Variants in SFMBT2 observed in about 807,000 individuals in gnomAD.
The protein encoded by SFMBT2 is Scm like with four mbt domains 2, also known as scm-like with four MBT domains protein 2.
A neutral mutation model predicts 110.1 loss-of-function variants in SFMBT2; 38 were observed. The observed-to-expected ratio is 0.35, with a 90% CI of 0.27 to 0.45. SFMBT2 has a LOEUF of 0.45. SFMBT2 is among the 20% of genes least tolerant of loss of function. SFMBT2 has a pLI of 1.00. For synonymous variants in SFMBT2, 425 were observed against 425.4 expected (o/e 1.00, Z 0.01); for missense variants, 1,011 against 1,094.9 (o/e 0.92, Z 1.08).
chr10:7,375,495 C>A (rs1845175168), intron 2 of SFMBT2, among the ~76,000 whole-genome samples: 1 of 148,076 alleles, frequency 6.8e-6, no homozygotes, highest in Admixed American at 6.6e-5. Flanking sequence ...AGAAAGAAGA[C>A]ATTAAGTCTT....
chr10:7,192,058 A>G (rs2131583600), intron 15 of SFMBT2, among the ~76,000 whole-genome samples: 1 of 152,254 alleles, frequency 6.6e-6, no homozygotes, highest in South Asian at 2.1e-4. Context: ...AAAAAAAAAA[A>G]TGTGCACTTT....
chr10:7,401,859 G>A (rs538888176), intron 1 of SFMBT2, among the ~76,000 whole-genome samples: 1 of 152,090 alleles, frequency 6.6e-6, no homozygotes, highest in South Asian at 2.1e-4. Context: ...GCCATTCCAC[G>A]GGACATTTCT....
At chr10:7,322,326 G>A (rs779005251) in intron 4 of SFMBT2, among the ~76,000 whole-genome samples, 41 of 152,264 alleles carry the variant, frequency 2.7e-4, no homozygotes, top group Non-Finnish European at 5.1e-4. Flanking sequence ...GAAACTCTGA[G>A]TTCATTAAAC....
At chr10:7,379,220 TC>T (rs1337925881) in intron 2 of SFMBT2, among the ~76,000 whole-genome samples, 1 of 152,046 alleles carries the variant, frequency 6.6e-6, no homozygotes, top group African/African-American at 2.4e-5. Context: ...GATGAGTAAG[TC>T]CCATCTGAAA....
chr10:7,276,007 G>A (rs970920527), intron 7 of SFMBT2, among the ~76,000 whole-genome samples: 13 of 152,226 alleles, frequency 8.5e-5, no homozygotes, highest in Admixed American at 6.5e-5. Flanking sequence ...GTGTTGGGTC[G>A]CCGCCCACAC....
chr10:7,236,270 A>G (rs1376271721), intron 9 of SFMBT2, among the ~76,000 whole-genome samples: 1 of 152,220 alleles, frequency 6.6e-6, no homozygotes, highest in East Asian at 1.9e-4. Flanking sequence ...CCGAAATCCA[A>G]TGGGACTCTT....
chr10:7,220,278 G>T, intron 11 of SFMBT2, 133 bp downstream of exon 11: 1 of 664,866 alleles, frequency 1.5e-6, no homozygotes, highest in Non-Finnish European at 2.6e-6. Flanking sequence ...TTAAGAACAC[G>T]GAATAATTTA....
intron 1 of SFMBT2, among the ~76,000 whole-genome samples, chr10:7,392,020 T>A (rs1845781489): frequency 6.6e-6 from 1 of 152,208 alleles, no homozygotes. Context: ...TAGTCACGAC[T>A]CTCAGTCAGA....
intron 4 of SFMBT2, among the ~76,000 whole-genome samples, chr10:7,345,422 G>A (rs148899426): frequency 0.035 from 5,307 of 152,258 alleles, 134 homozygotes; most frequent in Non-Finnish European, 0.054. Flanking sequence ...GCAGTGGCAG[G>A]ATCTCCACTC....
In SFMBT2 at chr10:7,206,777, T is replaced by A. The variant is rs546254220; in HGVS notation, c.1331-849A>T. On this transcript the variant is annotated intron_variant, in intron 11 of 20. Coordinates refer to ENST00000397167, the MANE Select transcript of SFMBT2 (RefSeq NM_001387889.1). ...ATGGAGAGAATAAATTTGGAACTAG[T>A]TAAAAGAAGAAAATTCGACACCAAA... is the stretch of plus-strand genomic sequence containing the variant. 5.2e-5 allele frequency: 44 copies of A among 845,326 alleles called. No homozygotes were observed. The African/African-American group carries it at 7.5e-4, about 14-fold the overall frequency. 52.4% of individuals were successfully genotyped at this position (845,326 alleles called of 1,614,324 possible). A position where few individuals can be genotyped will look rare whatever the true frequency, so the allele number is the denominator to read the frequency against.
intron 7 of SFMBT2, among the ~76,000 whole-genome samples, chr10:7,257,114 A>AGGGGGGGGGG (rs1841037710): frequency 9.9e-6 from 1 of 100,912 alleles, no homozygotes; most frequent in African/African-American, 4.0e-5. Flanking sequence ...AGGGGAGGGG[A>AGGGGGGGGGG]GGGGAGGGGA....
intron 1 of SFMBT2, among the ~76,000 whole-genome samples, chr10:7,391,362 A>T (rs1458331830): frequency 3.3e-5 from 5 of 151,220 alleles, no homozygotes; most frequent in Non-Finnish European, 7.4e-5. Flanking sequence ...GCTACTCGGG[A>T]GGCTGAGGCA....
chr10:7,386,160 C>T (rs1393029519), intron 1 of SFMBT2, among the ~76,000 whole-genome samples: 5 of 152,132 alleles, frequency 3.3e-5, no homozygotes, highest in South Asian at 2.1e-4. Context: ...TGCTCAGGGA[C>T]GGCTTCCCTG....
At chr10:7,269,030 T>C (rs1327250) in intron 7 of SFMBT2, among the ~76,000 whole-genome samples, 116,760 of 151,932 alleles carry the variant, frequency 0.77, 45,230 homozygotes, top group East Asian at 0.92. Flanking sequence ...GGCCTCTAAA[T>C]AACAGGGTTC....
chr10:7,305,952 T>A (rs1052512094), intron 4 of SFMBT2, among the ~76,000 whole-genome samples: 16 of 152,268 alleles, frequency 1.1e-4, no homozygotes, highest in African/African-American at 3.9e-4. Context: ...AAGCAGAGTC[T>A]GAAAGAAATT....
intron 1 of SFMBT2, among the ~76,000 whole-genome samples, chr10:7,399,195 T>C (rs1317524665): frequency 6.6e-6 from 1 of 152,090 alleles, no homozygotes; most frequent in African/African-American, 2.4e-5. Context: ...ACAACTGGAG[T>C]GCATAGATAT....
chr10:7,249,383 G>T, intron 7 of SFMBT2: 1 of 328,150 alleles, frequency 3.0e-6, no homozygotes, highest in Non-Finnish European at 4.4e-6. Flanking sequence ...CACAGCAATA[G>T]AGGAGGTTGG....
At chr10:7,343,867 T>C (rs1400351918) in intron 4 of SFMBT2, among the ~76,000 whole-genome samples, 1 of 152,206 alleles carries the variant, frequency 6.6e-6, no homozygotes, top group African/African-American at 2.4e-5. Flanking sequence ...TACAACATCT[T>C]CAATGGCTGT....
intron 1 of SFMBT2, among the ~76,000 whole-genome samples, chr10:7,387,404 C>A (rs1315127108): frequency 6.6e-6 from 1 of 152,088 alleles, no homozygotes; most frequent in Non-Finnish European, 1.5e-5. Context: ...CATATAAATA[C>A]CAGTGGCTGC....
Sources: gnomAD v4.1 joint callset for allele counts (sites outside exome capture counted in the v4.1 genomes callset) on GRCh38, gnomAD v4.1.1 for gene constraint, MANE v1.5 for transcripts, NCBI Gene and HGNC (gene_info 2026-07-23, HGNC 2026-07-21) for gene names.